The following RIMS2 variants were observed in gnomAD, a reference collection of about 807,000 sequenced individuals.
The protein encoded by RIMS2 is regulating synaptic membrane exocytosis protein 2.
Under a neutral mutation model 174.4 loss-of-function variants are expected in RIMS2, and 59 were observed. The observed-to-expected ratio is 0.34, with a 90% CI of 0.27 to 0.42. RIMS2 has a LOEUF of 0.42. Ranked by LOEUF, RIMS2 falls within the 10% of genes least tolerant of loss-of-function variation. RIMS2 has a pLI of 1.00. For synonymous variants in RIMS2, 606 were observed against 572.5 expected (o/e 1.06, Z -0.84); for missense variants, 1,620 against 1,666.3 (o/e 0.97, Z 0.48).
At chr8:104,073,979 AAAGTAT>A (rs1463527284) in intron 19 of RIMS2, among the ~76,000 whole-genome samples, 16 of 152,356 alleles carry the variant, frequency 1.1e-4, no homozygotes, top group African/African-American at 3.8e-4. Context: ...TCAGATAGTT[AAAGTAT>A]GTTTGGTCAA....
chr8:103,593,142 A>G (rs1732227091), intron 1 of RIMS2, among the ~76,000 whole-genome samples: 1 of 151,546 alleles, frequency 6.6e-6, no homozygotes, highest in Admixed American at 6.6e-5. Context: ...ATAACATTTG[A>G]GCTTTCAAGT....
chr8:103,811,055 T>G (rs2098683862), intron 3 of RIMS2, among the ~76,000 whole-genome samples: 1 of 152,144 alleles, frequency 6.6e-6, no homozygotes, highest in South Asian at 2.1e-4. Flanking sequence ...CAGAGGCAGT[T>G]TGCAAGTTTA....
At chr8:104,153,607 C>CA in intron 19 of RIMS2, among the ~76,000 whole-genome samples, 1 of 151,992 alleles carries the variant, frequency 6.6e-6, no homozygotes, top group African/African-American at 2.4e-5. Context: ...CCCAGTAGAT[C>CA]AAAGCTAAGG....
intron 17 of RIMS2, among the ~76,000 whole-genome samples, chr8:103,991,593 T>C (rs971957983): frequency 3.5e-4 from 53 of 152,190 alleles, no homozygotes; most frequent in Admixed American, 7.9e-4. Context: ...TAATCAATAA[T>C]AATGTTGATT....
intron 3 of RIMS2, among the ~76,000 whole-genome samples, chr8:103,808,956 T>G (rs1023967110): frequency 6.6e-6 from 1 of 152,188 alleles, no homozygotes; most frequent in African/African-American, 2.4e-5. Context: ...TTCTGACTGC[T>G]AGGACTTGAT....
chr8:103,680,477 T>TTGTTC (rs1187915497), intron 1 of RIMS2, among the ~76,000 whole-genome samples: 3 of 151,974 alleles, frequency 2.0e-5, no homozygotes. Context: ...GTAGGTAAGA[T>TTGTTC]TGTTCTGTTT....
At chr8:103,820,900 TA>T (rs1055563713) in intron 3 of RIMS2, among the ~76,000 whole-genome samples, 1 of 151,350 alleles carries the variant, frequency 6.6e-6, no homozygotes, top group African/African-American at 2.4e-5. Context: ...TAATTTATCA[TA>T]AAAATATATA....
intron 10 of RIMS2, among the ~76,000 whole-genome samples, chr8:103,925,584 A>T (rs1008770304): frequency 6.6e-6 from 1 of 151,600 alleles, no homozygotes; most frequent in African/African-American, 2.4e-5. Context: ...ACAAATTCAG[A>T]TTCTTCATTT....
At chr8:103,942,782 G>A (rs199576216) in exon 14 of RIMS2, 3 of 1,610,664 alleles carry the variant, frequency 1.9e-6, no homozygotes, top group Non-Finnish European at 2.5e-6. Context: ...GATTTTAATT[G>A]AATTAGAAAC....
intron 1 of RIMS2, among the ~76,000 whole-genome samples, chr8:103,550,919 T>G (rs1189364485): frequency 6.6e-6 from 1 of 152,142 alleles, no homozygotes; most frequent in South Asian, 2.1e-4. Flanking sequence ...AATCCCTGAA[T>G]AGACCAACAA....
chr8:104,248,466 TCAC>T (rs2099347118), intron 20 of RIMS2, among the ~76,000 whole-genome samples: 1 of 152,150 alleles, frequency 6.6e-6, no homozygotes, highest in Non-Finnish European at 1.5e-5. Context: ...AGAGAAAGAC[TCAC>T]CAGCAGAAGC....
At chr8:103,903,801 G>T (rs939400660) in intron 4 of RIMS2, among the ~76,000 whole-genome samples, 4 of 152,074 alleles carry the variant, frequency 2.6e-5, no homozygotes, top group African/African-American at 7.2e-5. Flanking sequence ...TTGTGATGGG[G>T]TGGTGACAGT....
At chr8:103,506,594 C>A (rs1384314736) in intron 1 of RIMS2, among the ~76,000 whole-genome samples, 1 of 152,088 alleles carries the variant, frequency 6.6e-6, no homozygotes, top group African/African-American at 2.4e-5. Flanking sequence ...GACTAAGTAT[C>A]CTGGCATAAG....
intron 19 of RIMS2, among the ~76,000 whole-genome samples, chr8:104,163,411 CAAAT>C (rs2098776103): frequency 6.6e-6 from 1 of 152,106 alleles, no homozygotes; most frequent in Non-Finnish European, 1.5e-5. Context: ...CAGGCCTTAA[CAAAT>C]AAATAAAGTA....
At chr8:103,938,602 AC>A (rs1264254024) in intron 13 of RIMS2, among the ~76,000 whole-genome samples, 5 of 152,090 alleles carry the variant, frequency 3.3e-5, no homozygotes, top group Non-Finnish European at 7.4e-5. Flanking sequence ...ACATTTCAAA[AC>A]CAATCATGCC....
intron 19 of RIMS2, among the ~76,000 whole-genome samples, chr8:104,170,307 T>A (rs1414113103): frequency 2.6e-5 from 4 of 152,088 alleles, no homozygotes; most frequent in Non-Finnish European, 5.9e-5. Context: ...TCTATCTCAT[T>A]TCCTAGGTCT....
intron 3 of RIMS2, among the ~76,000 whole-genome samples, chr8:103,826,141 A>G (rs979576868): frequency 6.6e-6 from 1 of 152,180 alleles, no homozygotes; most frequent in African/African-American, 2.4e-5. Flanking sequence ...GAATTTATAT[A>G]TATAAAATGT....
At chr8:103,793,258 G>A (rs559536915) in intron 3 of RIMS2, among the ~76,000 whole-genome samples, 1 of 152,306 alleles carries the variant, frequency 6.6e-6, no homozygotes, top group African/African-American at 2.4e-5. Context: ...TCATCCCTGG[G>A]ATGGAAGGCT....
chr8:103,910,291 C>T (rs878888091), intron 5 of RIMS2, 30 bp from the exon 8 acceptor site: 26 of 1,284,842 alleles, frequency 2.0e-5, no homozygotes, highest in East Asian at 4.9e-5. Flanking sequence ...TTTTTTGTAT[C>T]TTTTTTTTTT....
Sources: allele counts gnomAD v4.1 joint callset (sites outside exome capture counted in the v4.1 genomes callset), GRCh38; gene constraint gnomAD v4.1.1; transcripts MANE v1.5; gene names NCBI Gene and HGNC (gene_info 2026-07-23, HGNC 2026-07-21).